Variants in TULP4 observed in about 807,000 individuals in gnomAD.
The protein encoded by TULP4 is tubby-related protein 4.
A neutral mutation model predicts 129.0 loss-of-function variants in TULP4; 16 were observed. The ratio of observed to expected loss-of-function variants is 0.12; its 90% confidence interval spans 0.08 to 0.19. The LOEUF is 0.19. Among genes scored for constraint, TULP4 ranks in the 10% least tolerant of loss-of-function variants. The probability of loss-of-function intolerance (pLI) is 1.00; values close to 1 mark genes in which losing one functional copy is unlikely to be tolerated. For synonymous variants in TULP4, 998 were observed against 854.0 expected (o/e 1.17, Z -2.94); for missense variants, 1,842 against 2,059.1 (o/e 0.89, Z 2.04).
chr6:158,341,518 C>T lies in TULP4; in HGVS notation c.252+27250C>T, dbSNP rs9457352. Among the ~76,000 whole-genome samples, 839 of 152,250 alleles carry T rather than the reference C, an allele frequency of 5.5e-3. 6 individuals carry two copies. Among genetic ancestry groups the T allele is most frequent in the African/African-American group, 0.019 (770 of 41,542 alleles). ...TTTTATGAAGATTCTCCATACTAAACGTTCCGTCCAACAATATATGAGGGT... is the reference window on the plus strand; with the variant it reads ...TTTTATGAAGATTCTCCATACTAAATGTTCCGTCCAACAATATATGAGGGT... On this transcript the variant is annotated intron_variant, in intron 1 of 13. Transcript: ENST00000367097.
chr6:158,265,584 A>G (rs570520467), intron 1 of TULP4, among the ~76,000 whole-genome samples: 1 of 152,004 alleles, frequency 6.6e-6, no homozygotes, highest in Non-Finnish European at 1.5e-5. Flanking sequence ...TGGGAGGCTG[A>G]GGCAGGAGAA....
intron 2 of TULP4, among the ~76,000 whole-genome samples, chr6:158,421,402 CAGAACA>C (rs374806679): frequency 0.24 from 36,494 of 151,588 alleles, 5,635 homozygotes; most frequent in Middle Eastern, 0.35. Context: ...TCCAGAAAGG[CAGAACA>C]ACTCAAAGGG....
intron 1 of TULP4, among the ~76,000 whole-genome samples, chr6:158,352,394 G>A (rs1780545510): frequency 6.6e-6 from 1 of 152,034 alleles, no homozygotes; most frequent in Admixed American, 6.5e-5. Flanking sequence ...TCATGATATG[G>A]ACTGACACTG....
At chr6:158,327,244 T>C (rs1442239555) in intron 1 of TULP4, among the ~76,000 whole-genome samples, 1 of 152,206 alleles carries the variant, frequency 6.6e-6, no homozygotes, top group Non-Finnish European at 1.5e-5. Context: ...TTCAAAAGTT[T>C]ATGCATGTGT....
At chr6:158,456,456 A>G (rs558477752) in intron 5 of TULP4, among the ~76,000 whole-genome samples, 64 of 151,620 alleles carry the variant, frequency 4.2e-4, no homozygotes, top group Non-Finnish European at 8.4e-4. Context: ...ATGTGGCCCA[A>G]GACAATTCTT....
intron 6 of TULP4, among the ~76,000 whole-genome samples, chr6:158,464,889 AGGGTTTTGCCATTTGC>A (rs1401384938): frequency 2.6e-5 from 4 of 152,330 alleles, no homozygotes; most frequent in African/African-American, 7.2e-5. Flanking sequence ...ATGGTTTTGC[AGGGTTTTGCCATTTGC>A]GGGTTTTGCC....
At chr6:158,352,778 TG>T (rs927134411) in intron 1 of TULP4, among the ~76,000 whole-genome samples, 11 of 152,374 alleles carry the variant, frequency 7.2e-5, no homozygotes, top group African/African-American at 2.4e-4. Flanking sequence ...ATTAAAACAT[TG>T]TTTTTTATTT....
chr6:158,280,097 G>T (rs1023327162), upstream of TULP4, among the ~76,000 whole-genome samples: 1 of 152,080 alleles, frequency 6.6e-6, no homozygotes. Context: ...GTATTCCATC[G>T]CCATTTCCTT....
In TULP4 at chr6:158,508,798, T is replaced by G. The variant is rs1487724098; in HGVS notation, c.*2104T>G. ...GTGAGTTATACCCATTTTATTTATT[T>G]AGAAAAATAGTATCTTTGTTAACGA... On this transcript the variant is annotated 3_prime_UTR_variant, in exon 14 of 14. Transcript: ENST00000367097. 1.3e-5 allele frequency: 2 copies of G among 152,400 alleles called. No individual in the cohort carries two copies. Among genetic ancestry groups the G allele is most frequent in the Admixed American group, 6.6e-5 (1 of 15,248 alleles). The allele number at this position is 152,400 out of a possible 1,614,324, so 9.4% of individuals were successfully genotyped here. A position where few individuals can be genotyped will look rare whatever the true frequency, so the allele number is the denominator to read the frequency against.
At chr6:158,276,204 G>A (rs1224860396) in intron 1 of TULP4, among the ~76,000 whole-genome samples, 2 of 151,914 alleles carry the variant, frequency 1.3e-5, no homozygotes, top group African/African-American at 2.4e-5. Context: ...TCCTGACCTC[G>A]AATGATCTGC....
chr6:158,282,042 C>T (rs1392893484), upstream of TULP4, among the ~76,000 whole-genome samples: 3 of 152,000 alleles, frequency 2.0e-5, no homozygotes, highest in Non-Finnish European at 4.4e-5. Context: ...TTGCTGTCTT[C>T]TTTTTCTTAG....
chr6:158,272,304 T>C (rs187927008), intron 1 of TULP4, among the ~76,000 whole-genome samples: 60 of 152,360 alleles, frequency 3.9e-4, no homozygotes, highest in Non-Finnish European at 7.1e-4. Context: ...TCTTCCTCCC[T>C]TCCTGCCCCA....
chr6:158,327,435 A>G (rs1445234512), intron 1 of TULP4, among the ~76,000 whole-genome samples: 1 of 152,194 alleles, frequency 6.6e-6, no homozygotes, highest in Non-Finnish European at 1.5e-5. Context: ...TCTCTAACCT[A>G]CTAGTCAGAT....
chr6:158,304,687 G>C lies in TULP4; in HGVS notation n.117-7364G>C, dbSNP rs142801374. Among the ~76,000 whole-genome samples, 255 of 139,124 alleles carry C rather than the reference G, an allele frequency of 1.8e-3. 2 individuals are homozygous for C. The highest frequency in any genetic ancestry group is 6.5e-3 in the African/African-American group (241 of 37,254). 91.3% of individuals were successfully genotyped at this position (139,124 alleles called of 152,430 possible). On this transcript the variant is annotated intron_variant and non_coding_transcript_variant, in intron 1 of 1. Transcript: ENST00000432358. The stretch of plus-strand genomic sequence containing the variant: ...AATTTTACCTTATTTTTTTTTTTGA[G>C]ATGGGGTCTCACTCTGTCACCCAGG...
intron 1 of TULP4, chr6:158,238,119 G>A (rs1265062414): frequency 2.7e-6 from 2 of 737,102 alleles, no homozygotes; most frequent in South Asian, 1.4e-5. Flanking sequence ...CACCATGCCT[G>A]GTTTCTGCTT....
At chr6:158,389,564 T>C (rs1777538501) in intron 1 of TULP4, among the ~76,000 whole-genome samples, 1 of 152,202 alleles carries the variant, frequency 6.6e-6, no homozygotes, top group Admixed American at 6.5e-5. Flanking sequence ...AAATTTGTAT[T>C]TTGATGTGGA....
At chr6:158,308,767 C>T (rs1379081563), upstream of TULP4, among the ~76,000 whole-genome samples, 80 of 111,836 alleles carry the variant, frequency 7.2e-4, no homozygotes, top group Admixed American at 1.3e-3. Flanking sequence ...GCTGACCCCC[C>T]CACCTCCCTC....
intron 1 of TULP4, among the ~76,000 whole-genome samples, chr6:158,274,626 A>T (rs1778609857): frequency 6.6e-6 from 1 of 151,916 alleles, no homozygotes; most frequent in African/African-American, 2.4e-5. Context: ...AATACAAAAA[A>T]ATCAGCCGGG....
At chr6:158,233,160 T>C (rs910656037) in intron 1 of TULP4, among the ~76,000 whole-genome samples, 1 of 152,118 alleles carries the variant, frequency 6.6e-6, no homozygotes, top group Admixed American at 6.5e-5. Context: ...CTCTCCGAGG[T>C]TGAGGTCCGT....
Sources: allele counts gnomAD v4.1 joint callset (sites outside exome capture counted in the v4.1 genomes callset), GRCh38; gene constraint gnomAD v4.1.1; transcripts MANE v1.5; gene names NCBI Gene and HGNC (gene_info 2026-07-23, HGNC 2026-07-21).